Variants in RMP24 observed in about 807,000 individuals in gnomAD.
The protein encoded by RMP24 is ribonuclease MRP protein subunit p24.
At chr18:35,978,933 A>G in the RMP24 span, 5 of 1,613,324 alleles carry the variant, frequency 3.1e-6, no homozygotes, top group Admixed American at 1.7e-5. Context: ...CTTAGTCAGA[A>G]TGAATCCCAA....
the RMP24 span, chr18:35,979,034 A>G: frequency 6.5e-7 from 1 of 1,538,594 alleles, no homozygotes; most frequent in Non-Finnish European, 8.7e-7. Context: ...TTCTGAAACT[A>G]AAGTTGGTAA....
At chr18:35,974,452 C>T in the RMP24 span, among the ~76,000 whole-genome samples, 2 of 152,226 alleles carry the variant, frequency 1.3e-5, no homozygotes, top group African/African-American at 4.8e-5. Context: ...AGTGCTGTTG[C>T]ATCCCTGGCA....
the RMP24 span, among the ~76,000 whole-genome samples, chr18:35,976,770 A>G: frequency 6.6e-6 from 1 of 152,214 alleles, no homozygotes; most frequent in East Asian, 1.9e-4. Flanking sequence ...CTGCTGTTAC[A>G]AAGAACATTC....
the RMP24 span, among the ~76,000 whole-genome samples, chr18:35,976,739 C>CA: frequency 2.0e-5 from 3 of 152,008 alleles, no homozygotes; most frequent in East Asian, 5.8e-4. Flanking sequence ...AGTTCATCTG[C>CA]AAAAAAATAT....
the RMP24 span, chr18:35,972,856 C>T: frequency 1.9e-6 from 3 of 1,614,210 alleles, no homozygotes; most frequent in Middle Eastern, 3.3e-4. Flanking sequence ...TGTTCCTTTG[C>T]TCCTCACAAG....
chr18:35,978,956 G>A, the RMP24 span: 1 of 1,611,182 alleles, frequency 6.2e-7, no homozygotes, highest in South Asian at 1.1e-5. Flanking sequence ...GATTCCAAAG[G>A]TGGACTTCAG....
At chr18:35,977,309 C>A in the RMP24 span, 1 of 1,065,458 alleles carries the variant, frequency 9.4e-7, no homozygotes, top group Non-Finnish European at 1.3e-6. Flanking sequence ...CCTATAGTAT[C>A]TGGTGTAGTC....
At chr18:35,973,050 T>A in the RMP24 span, 1 of 1,107,648 alleles carries the variant, frequency 9.0e-7, no homozygotes, top group Non-Finnish European at 1.3e-6. Context: ...CTCGGTTTCG[T>A]GAAAAATCCA....
chr18:35,976,849 A>G, the RMP24 span, among the ~76,000 whole-genome samples: 3 of 152,224 alleles, frequency 2.0e-5, no homozygotes, highest in Admixed American at 1.3e-4. Flanking sequence ...TTTATATTTA[A>G]AAAGTAGAGT....
the RMP24 span, chr18:35,977,624 G>T: frequency 7.8e-5 from 124 of 1,595,814 alleles, no homozygotes; most frequent in Non-Finnish European, 1.0e-4. Context: ...TGAAGTTTTT[G>T]AATTGCCAGT....
chr18:35,975,173 C>A, the RMP24 span: 2 of 1,120,942 alleles, frequency 1.8e-6, no homozygotes, highest in South Asian at 1.5e-5. Flanking sequence ...AAGAATCAGC[C>A]TCAGTATAAC....
the RMP24 span, chr18:35,978,753 C>A: frequency 8.4e-7 from 1 of 1,192,060 alleles, no homozygotes; most frequent in Non-Finnish European, 1.2e-6. Context: ...ATAGCCAGTG[C>A]ATGTATATGG....
At chr18:35,975,907 A>G in the RMP24 span, among the ~76,000 whole-genome samples, 1 of 152,202 alleles carries the variant, frequency 6.6e-6, no homozygotes, top group Non-Finnish European at 1.5e-5. Flanking sequence ...GTTAAAGGGA[A>G]AGAAAGAAGA....
At chr18:35,977,685 T>C in the RMP24 span, 68 of 1,389,936 alleles carry the variant, frequency 4.9e-5, no homozygotes, top group Non-Finnish European at 6.3e-5. Flanking sequence ...TCCCTAAATA[T>C]GCCATGCATT....
chr18:35,972,831 A>G, the RMP24 span: 1 of 1,614,188 alleles, frequency 6.2e-7, no homozygotes, highest in East Asian at 2.2e-5. Flanking sequence ...GGGAAGCGGG[A>G]GGCGAGCGGG....
chr18:35,972,781 GC>G, the RMP24 span: 1 of 1,614,092 alleles, frequency 6.2e-7, no homozygotes, highest in South Asian at 1.1e-5. Context: ...CACGACAGCT[GC>G]CCGGGCCAAG....
At chr18:35,978,807 A>T in the RMP24 span, 1 of 1,554,624 alleles carries the variant, frequency 6.4e-7, no homozygotes, top group Non-Finnish European at 8.6e-7. Flanking sequence ...TTGTTGGTAT[A>T]ACTAAGTGTG....
chr18:35,975,072 T>G, the RMP24 span: 1 of 1,613,390 alleles, frequency 6.2e-7, no homozygotes, highest in South Asian at 1.1e-5. Context: ...GGTGAAAAAG[T>G]TCAAAGACTC....
the RMP24 span, among the ~76,000 whole-genome samples, chr18:35,976,025 G>T: frequency 2.0e-4 from 31 of 151,904 alleles, no homozygotes; most frequent in African/African-American, 6.5e-4. Context: ...TAAATGGGAA[G>T]ACAGCAAATG....
Sources: allele counts gnomAD v4.1 joint callset (sites outside exome capture counted in the v4.1 genomes callset), GRCh38; gene constraint gnomAD v4.1.1; transcripts MANE v1.5; gene names NCBI Gene and HGNC (gene_info 2026-07-23, HGNC 2026-07-21).